The following USP49 variants were observed in gnomAD, a reference collection of about 807,000 sequenced individuals.
USP49 encodes the protein ubiquitin carboxyl-terminal hydrolase 49.
Under a neutral mutation model 58.6 loss-of-function variants are expected in USP49, and 24 were observed. The observed-to-expected ratio is 0.41, with a 90% CI of 0.30 to 0.58. The LOEUF is 0.58. Among genes scored for constraint, USP49 ranks in the 20% least tolerant of loss-of-function variants. USP49 has a pLI of 0.30. For missense variants in USP49, 703 were observed against 866.1 expected (o/e 0.81, Z 2.36); for synonymous variants, 408 against 365.1 (o/e 1.12, Z -1.34).
chr6:41,802,448 A>ATTTTTTTTTT (rs1363216201), intron 5 of USP49, among the ~76,000 whole-genome samples: 7 of 53,336 alleles, frequency 1.3e-4, no homozygotes, highest in Admixed American at 7.4e-4. Context: ...TTATTTATTT[A>ATTTTTTTTTT]TTTATTTATT....
rs911408863 is a variant in USP49, at chr6:41,791,241, T to A, written c.*5292A>T. On this transcript the variant is annotated 3_prime_UTR_variant, in exon 8 of 8. Transcript: ENST00000682992. ...TGTTGGTTGGGTTTTAAAGCCATAA[T>A]TATGGTTGAGTAAGGATTCATTTAT... is the stretch of plus-strand genomic sequence containing the variant. 2 of 152,250 alleles carry A rather than the reference T, an allele frequency of 1.3e-5. No homozygotes were observed. The highest frequency in any genetic ancestry group is 4.8e-5 in the African/African-American group (2 of 41,470). 9.4% of individuals were successfully genotyped at this position (152,250 alleles called of 1,614,324 possible). A position where few individuals can be genotyped will look rare whatever the true frequency, so the allele number is the denominator to read the frequency against.
chr6:41,870,100 G>GAGCAACTGACATATT, intron 3 of USP49, among the ~76,000 whole-genome samples: 1 of 152,330 alleles, frequency 6.6e-6, no homozygotes, highest in Non-Finnish European at 1.5e-5. Context: ...AAATTTATGT[G>GAGCAACTGACATATT]TGGATGGCTG....
At chr6:41,840,373 C>CAAA (rs55886124) in intron 3 of USP49, among the ~76,000 whole-genome samples, 1 of 82,542 alleles carries the variant, frequency 1.2e-5, no homozygotes, top group Non-Finnish European at 2.5e-5. Flanking sequence ...AACTCCGTCT[C>CAAA]AAAAAAAAAA....
chr6:41,856,306 C>T (rs1336956072), intron 3 of USP49, among the ~76,000 whole-genome samples: 1 of 150,672 alleles, frequency 6.6e-6, no homozygotes, highest in African/African-American at 2.4e-5. Context: ...ACTCGGGAGG[C>T]GGAGCTTGCA....
chr6:41,856,440 C>T (rs1774133691), intron 3 of USP49, among the ~76,000 whole-genome samples: 1 of 151,826 alleles, frequency 6.6e-6, no homozygotes, highest in African/African-American at 2.4e-5. Context: ...AAACCTCAAA[C>T]ATACTTTTTT....
At chr6:41,867,966 A>G (rs1048605664) in intron 3 of USP49, among the ~76,000 whole-genome samples, 1 of 152,240 alleles carries the variant, frequency 6.6e-6, no homozygotes, top group Non-Finnish European at 1.5e-5. Flanking sequence ...TCCTTCACAC[A>G]GGCAAACAAA....
At chr6:41,856,858 A>C (rs375350247) in intron 3 of USP49, among the ~76,000 whole-genome samples, 1 of 152,302 alleles carries the variant, frequency 6.6e-6, no homozygotes, top group East Asian at 1.9e-4. Context: ...TGTTGTTGTT[A>C]ATCTCTTACT....
chr6:41,859,109 G>A lies in USP49; in HGVS notation c.-29+12455C>T, dbSNP rs182043038. On this transcript the variant is annotated intron_variant, in intron 3 of 7. Coordinates refer to ENST00000682992, the MANE Select transcript of USP49 (RefSeq NM_001286554.2). ...CTTTTAATGGGTCTTCCTGCATTCA[G>A]CCTAAAACCCAAATATGTCATTCTC... Among the ~76,000 whole-genome samples, 7 of 152,222 alleles carry A rather than the reference G, an allele frequency of 4.6e-5. No individual in the cohort carries two copies. The East Asian group carries it at 1.4e-3, about 29-fold the overall frequency.
chr6:41,810,550 CTTTT>C (rs113292186), intron 3 of USP49, among the ~76,000 whole-genome samples: 1 of 139,056 alleles, frequency 7.2e-6, no homozygotes, highest in Non-Finnish European at 1.6e-5. Flanking sequence ...GATAGTTCCT[CTTTT>C]TTTTTTTTTT....
chr6:41,862,207 A>G (rs970687354), intron 3 of USP49, among the ~76,000 whole-genome samples: 1 of 152,216 alleles, frequency 6.6e-6, no homozygotes, highest in African/African-American at 2.4e-5. Context: ...TGCTGTGTCA[A>G]GGGATATATG....
intron 3 of USP49, among the ~76,000 whole-genome samples, chr6:41,814,117 T>C (rs1773306430): frequency 6.6e-6 from 1 of 152,172 alleles, no homozygotes; most frequent in Non-Finnish European, 1.5e-5. Context: ...TTACAGGTAA[T>C]TGGGAAAGAA....
intron 3 of USP49, among the ~76,000 whole-genome samples, chr6:41,857,715 T>C (rs553793081): frequency 2.0e-5 from 3 of 152,244 alleles, no homozygotes; most frequent in Non-Finnish European, 4.4e-5. Flanking sequence ...CCCAAGATTA[T>C]GGCATGCCTA....
At chr6:41,873,701 G>C (rs138774000) in intron 2 of USP49, among the ~76,000 whole-genome samples, 4 of 152,280 alleles carry the variant, frequency 2.6e-5, no homozygotes, top group African/African-American at 9.6e-5. Flanking sequence ...GTAATAATCA[G>C]TCCTACACTA....
intron 3 of USP49, among the ~76,000 whole-genome samples, chr6:41,822,945 C>T (rs2127335742): frequency 6.6e-6 from 1 of 152,094 alleles, no homozygotes; most frequent in South Asian, 2.1e-4. Context: ...TTGGAAGCTA[C>T]AAAGAGATCA....
chr6:41,890,979 G>T (rs956963725), intron 2 of USP49, among the ~76,000 whole-genome samples: 10 of 152,116 alleles, frequency 6.6e-5, no homozygotes, highest in Non-Finnish European at 1.5e-4. Context: ...TACAATTTTG[G>T]AATGAAAAAA....
chr6:41,843,431 C>T (rs1050305737), intron 3 of USP49, among the ~76,000 whole-genome samples: 2 of 151,994 alleles, frequency 1.3e-5, no homozygotes, highest in Admixed American at 6.6e-5. Context: ...AAAAAAAGGT[C>T]GAAACTTCCT....
At chr6:41,867,580 A>G (rs951624394) in intron 3 of USP49, among the ~76,000 whole-genome samples, 4 of 147,518 alleles carry the variant, frequency 2.7e-5, no homozygotes, top group Non-Finnish European at 6.0e-5. Context: ...CGTCTCTACT[A>G]AAAATACAAA....
intron 3 of USP49, among the ~76,000 whole-genome samples, chr6:41,845,516 A>G (rs935352619): frequency 2.6e-5 from 4 of 151,038 alleles, no homozygotes; most frequent in Non-Finnish European, 5.9e-5. Context: ...GCAAAACTCC[A>G]TCTCAAAAAA....
intron 4 of USP49, 32 bp downstream of exon 4, chr6:41,805,596 G>A (rs1773098857): frequency 1.9e-6 from 3 of 1,583,678 alleles, no homozygotes. Flanking sequence ...TAACATACAA[G>A]CCTCTCATTG....
Sources: gnomAD v4.1 joint callset for allele counts (sites outside exome capture counted in the v4.1 genomes callset) on GRCh38, gnomAD v4.1.1 for gene constraint, MANE v1.5 for transcripts, NCBI Gene and HGNC (gene_info 2026-07-23, HGNC 2026-07-21) for gene names.